CHM: variants seen among roughly 807,000 people sequenced by gnomAD.
CHM encodes the protein rab proteins geranylgeranyltransferase component A 1.
CHM carries 10 observed loss-of-function variants against 49.0 expected under a neutral mutation model. The ratio of observed to expected loss-of-function variants is 0.20; its 90% CI spans 0.13 to 0.35. The LOEUF is 0.35. Among genes scored for constraint, CHM ranks in the 10% least tolerant of loss-of-function variants. The pLI, the probability that CHM is intolerant of heterozygous loss-of-function variation, is 1.00. For synonymous variants in CHM, 184 were observed against 167.5 expected (o/e 1.10, Z -0.76); for missense variants, 455 against 478.4 (o/e 0.95, Z 0.46).
chrX:86,039,697 T>C (rs1456857559), intron 1 of CHM, among the ~76,000 whole-genome samples: 3 of 110,335 alleles, frequency 2.7e-5, no homozygotes, highest in Non-Finnish European at 5.7e-5. Context: ...CGTGCGAATG[T>C]TGCCTTTTCC....
intron 2 of CHM, among the ~76,000 whole-genome samples, chrX:85,995,852 A>T (rs1361139298): frequency 9.0e-6 from 1 of 111,700 alleles, no homozygotes; most frequent in Non-Finnish European, 1.9e-5. Context: ...TTCCACAGAC[A>T]TCATAAAATC....
chrX:85,903,576 T>C, intron 9 of CHM: 1 of 386,031 alleles, frequency 2.6e-6, no homozygotes, highest in Admixed American at 2.5e-5. Flanking sequence ...CTAATACATG[T>C]GCCTATTTAT....
At chrX:86,006,890 AC>A (rs1932868696) in intron 2 of CHM, among the ~76,000 whole-genome samples, 1 of 111,991 alleles carries the variant, frequency 8.9e-6, no homozygotes, top group Admixed American at 9.4e-5. Flanking sequence ...GACTTTCTTC[AC>A]AGAATTGGAA....
Position 85,966,956 on chromosome X carries a change from G to A in CHM, c.315-2904C>T, listed in dbSNP as rs146675891. On this transcript the variant is annotated intron_variant, in intron 4 of 14. Coordinates refer to ENST00000357749, the MANE Select transcript of CHM (RefSeq NM_000390.4). Reference sequence around the variant, plus strand: ...ATACTTAATTAAAGGTATAAGCGAAGAGAAGAAATTATTCTTCGGAAATTT... The same window carrying A: ...ATACTTAATTAAAGGTATAAGCGAAAAGAAGAAATTATTCTTCGGAAATTT... Among the ~76,000 whole-genome samples, 15 of 111,713 alleles carry A rather than the reference G, an allele frequency of 1.3e-4. No homozygotes were observed. In the East Asian group the frequency reaches 4.2e-3, roughly 31 times the overall value.
At chrX:85,883,130 G>A (rs1009952738) in intron 12 of CHM, among the ~76,000 whole-genome samples, 1 of 111,453 alleles carries the variant, frequency 9.0e-6, no homozygotes, top group African/African-American at 3.3e-5. Context: ...GTAAAAGGTA[G>A]GAAATCTATT....
At chrX:85,996,318 A>G (rs1423113048) in intron 2 of CHM, among the ~76,000 whole-genome samples, 2 of 112,009 alleles carry the variant, frequency 1.8e-5, no homozygotes, top group Non-Finnish European at 3.8e-5. Context: ...TTCTCACCCA[A>G]TTCTACATAT....
chrX:85,954,401 C>T (rs889588473), intron 8 of CHM, among the ~76,000 whole-genome samples: 1 of 111,442 alleles, frequency 9.0e-6, no homozygotes, highest in Non-Finnish European at 1.9e-5. Flanking sequence ...AGCTACCATA[C>T]GATCTAGCAA....
At chrX:85,925,561 A>G (rs763327707) in intron 8 of CHM, among the ~76,000 whole-genome samples, 1 of 111,392 alleles carries the variant, frequency 9.0e-6, no homozygotes, top group East Asian at 2.8e-4. Context: ...GCCTACAGCA[A>G]TCCTACTTAG....
chrX:86,021,055 C>A, intron 2 of CHM, among the ~76,000 whole-genome samples: 1 of 95,628 alleles, frequency 1.0e-5, no homozygotes, highest in East Asian at 3.3e-4. Context: ...CATATATACA[C>A]ACATATATAT....
chrX:85,863,103 T>A lies in CHM; in HGVS notation c.*1527A>T, dbSNP rs1045416630. The A allele has an allele frequency of 9.1e-6, 1 of 110,077 alleles. No individual in the cohort carries two copies. The highest frequency in any genetic ancestry group is 1.9e-5 in the Non-Finnish European group (1 of 52,611). 9.1% of individuals were successfully genotyped at this position (110,077 alleles called of 1,213,427 possible). On this transcript the variant is annotated 3_prime_UTR_variant, in exon 15 of 15. Coordinates refer to ENST00000357749, the MANE Select transcript of CHM (RefSeq NM_000390.4). ...TGCCTATGTACAGCCCCCTTTTTTT[T>A]TTTTTGTGAGACAGAGTCTTGCTCT...
intron 9 of CHM, among the ~76,000 whole-genome samples, chrX:85,908,253 T>C (rs1176130235): frequency 8.9e-6 from 1 of 111,822 alleles, no homozygotes; most frequent in African/African-American, 3.2e-5. Flanking sequence ...TGTCAAGGTT[T>C]TTCCCTCAAA....
At chrX:85,953,348 T>G (rs1023171460) in intron 8 of CHM, among the ~76,000 whole-genome samples, 1 of 111,727 alleles carries the variant, frequency 9.0e-6, no homozygotes, top group East Asian at 2.8e-4. Flanking sequence ...GTCCATACTA[T>G]GCTAAGCAAT....
intron 2 of CHM, among the ~76,000 whole-genome samples, chrX:86,024,233 C>T (rs1383264871): frequency 8.9e-6 from 1 of 112,219 alleles, no homozygotes; most frequent in African/African-American, 3.2e-5. Flanking sequence ...TCAGCTACTG[C>T]AAATTTCAGC....
chrX:86,010,373 G>T (rs986797573), intron 2 of CHM, among the ~76,000 whole-genome samples: 1 of 102,911 alleles, frequency 9.7e-6, no homozygotes, highest in Non-Finnish European at 2.0e-5. Context: ...AAAAAAGAAA[G>T]AAAAAAATTG....
intron 4 of CHM, among the ~76,000 whole-genome samples, chrX:85,968,353 G>T (rs186252754): frequency 2.1e-4 from 24 of 112,156 alleles, no homozygotes; most frequent in Non-Finnish European, 4.1e-4. Flanking sequence ...TCAACCTCTT[G>T]TCATGTTTAC....
chrX:85,942,469 T>C (rs780079933), intron 8 of CHM, among the ~76,000 whole-genome samples: 82 of 111,916 alleles, frequency 7.3e-4, no homozygotes, highest in Non-Finnish European at 1.3e-3. Context: ...GGACTTCTTT[T>C]ATGAAGAAAC....
rs1603230031 is a variant in CHM, at chrX:85,862,063, C to T, written c.*2567G>A. Reference sequence around the variant, plus strand: ...AGGAAATATATAAAGTTCTTAAAGTCTTTTATCAGTTGTATGATATTTTAA... The same window carrying T: ...AGGAAATATATAAAGTTCTTAAAGTTTTTTATCAGTTGTATGATATTTTAA... On this transcript the variant is annotated 3_prime_UTR_variant, in exon 15 of 15. Coordinates refer to ENST00000357749, the MANE Select transcript of CHM (RefSeq NM_000390.4). The T allele has an allele frequency of 8.9e-6, 1 of 111,917 alleles. No individual in the cohort carries two copies. Among genetic ancestry groups the T allele is most frequent in the South Asian group, 3.7e-4 (1 of 2,717 alleles). 9.2% of individuals were successfully genotyped at this position (111,917 alleles called of 1,213,427 possible). A position where few individuals can be genotyped will look rare whatever the true frequency, so the allele number is the denominator to read the frequency against.
intron 8 of CHM, among the ~76,000 whole-genome samples, chrX:85,944,107 T>C (rs1569421337): frequency 8.9e-6 from 1 of 111,930 alleles, no homozygotes; most frequent in Non-Finnish European, 1.9e-5. Context: ...TATAAACTCT[T>C]TAAATTTTCC....
chrX:86,040,823 AC>A (rs1188025573), intron 1 of CHM, among the ~76,000 whole-genome samples: 2 of 112,323 alleles, frequency 1.8e-5, no homozygotes, highest in Non-Finnish European at 3.8e-5. Context: ...AAAAGCAAAA[AC>A]AAAACATCAA....
Sources: gnomAD v4.1 joint callset for allele counts (sites outside exome capture counted in the v4.1 genomes callset) on GRCh38, gnomAD v4.1.1 for gene constraint, MANE v1.5 for transcripts, NCBI Gene and HGNC (gene_info 2026-07-23, HGNC 2026-07-21) for gene names.